ATP13A3: variants seen among roughly 807,000 people sequenced by gnomAD.
ATP13A3 encodes ATPase 13A3.
ATP13A3 carries 59 observed loss-of-function variants against 158.1 expected under a neutral mutation model. The ratio of observed to expected loss-of-function variants is 0.37; its 90% CI spans 0.30 to 0.46. The LOEUF (loss-of-function observed/expected upper bound fraction) is 0.46, where lower values mean the gene tolerates loss of function less well. Ranked by LOEUF, ATP13A3 falls within the 20% of genes least tolerant of loss-of-function variation. The pLI, the probability that ATP13A3 is intolerant of heterozygous loss-of-function variation, is 1.00. For synonymous variants in ATP13A3, 491 were observed against 504.3 expected (o/e 0.97, Z 0.35); for missense variants, 1,166 against 1,525.2 (o/e 0.76, Z 3.92).
chr3:194,463,663 A>G (rs6798801), intron 2 of ATP13A3, among the ~76,000 whole-genome samples: 15,642 of 152,222 alleles, frequency 0.1, 2,026 homozygotes, highest in African/African-American at 0.31. Flanking sequence ...AGTGCACAGC[A>G]GGCTTGACAC....
chr3:194,426,360 A>G (rs1262656459), intron 29 of ATP13A3, among the ~76,000 whole-genome samples: 3 of 152,222 alleles, frequency 2.0e-5, no homozygotes, highest in Non-Finnish European at 4.4e-5. Context: ...ATTAATTAAA[A>G]TGTTATAATT....
At chr3:194,441,492 T>A (rs1456724339) in intron 15 of ATP13A3, 31 bp from the exon 16 acceptor site, 1 of 1,586,158 alleles carries the variant, frequency 6.3e-7, no homozygotes, top group African/African-American at 1.4e-5. Context: ...ATTAGTTTCA[T>A]AAATTCTAAG....
intron 6 of ATP13A3, 61 bp downstream of exon 6, chr3:194,459,410 T>C (rs1328333563): frequency 1.8e-5 from 21 of 1,173,406 alleles, no homozygotes; most frequent in Non-Finnish European, 2.6e-5. Context: ...ATGGACTCTT[T>C]TCTATCTAGA....
At chr3:194,436,565 C>G (rs1250665284) in intron 20 of ATP13A3, among the ~76,000 whole-genome samples, 2 of 152,124 alleles carry the variant, frequency 1.3e-5, no homozygotes, top group Non-Finnish European at 2.9e-5. Flanking sequence ...TCAAAGAGCT[C>G]TAAGGAAAAA....
Position 194,419,940 on chromosome 3 carries a change from A to T in ATP13A3, c.3341T>A (p.Leu1114Ter), listed in dbSNP as rs780718677. The T allele has an allele frequency of 7.8e-6, 12 of 1,534,592 alleles. No individual in the cohort carries two copies. Among genetic ancestry groups the T allele is most frequent in the African/African-American group, 1.4e-5 (1 of 70,048 alleles). Residue 1114 changes from leucine to a stop codon, truncating the protein, a stop_gained, in exon 31 of 34, where the codon TTA becomes TAA. Coordinates refer to ENST00000645319, the MANE Select transcript of ATP13A3 (RefSeq NM_001367549.1). LOFTEE classifies it high-confidence loss of function. ...CATGATGAATAATATAAAAATATAT[A>T]AAAAAATCACAGAAAAAACAAAAAA... The part of the protein sequence containing the change: ...NYFFVFSVIF[L>*]YIFILFIMLY...
chr3:194,440,401 G>A (rs1379978516), intron 16 of ATP13A3, among the ~76,000 whole-genome samples: 1 of 152,186 alleles, frequency 6.6e-6, no homozygotes, highest in Non-Finnish European at 1.5e-5. Context: ...TGCAAGCATG[G>A]TGAGAATGGG....
chr3:194,450,425 A>C, intron 10 of ATP13A3, 149 bp from the exon 11 acceptor site: 1 of 746,088 alleles, frequency 1.3e-6, no homozygotes, highest in South Asian at 1.9e-5. Flanking sequence ...AGTTTTAACA[A>C]ATAAGATTAT....
intron 33 of ATP13A3, among the ~76,000 whole-genome samples, chr3:194,410,321 A>AC (rs1715296379): frequency 3.4e-5 from 4 of 119,114 alleles, no homozygotes; most frequent in East Asian, 2.6e-4. Context: ...AAAAAAAAAA[A>AC]AAAAAAAAAA....
chr3:194,492,637 G>A (rs985370114), intron 2 of ATP13A3, among the ~76,000 whole-genome samples: 6 of 151,922 alleles, frequency 3.9e-5, no homozygotes, highest in Non-Finnish European at 8.8e-5. Context: ...TGTATTTTTA[G>A]TAGAGACAGG....
Position 194,457,191 on chromosome 3 carries a change from T to C in ATP13A3, c.480-17A>G. 1.9e-6 allele frequency: 3 copies of C among 1,592,030 alleles called. No homozygotes were observed. Among genetic ancestry groups the C allele is most frequent in the Non-Finnish European group, 2.6e-6 (3 of 1,166,124 alleles). Reference sequence around the variant, plus strand: ...TCCAGTCCCCTAAATAAATCCAAAGTTTTTACTTTAAACAAAGTTTAAAAT... The same window carrying C: ...TCCAGTCCCCTAAATAAATCCAAAGCTTTTACTTTAAACAAAGTTTAAAAT... On this transcript the variant is annotated splice_polypyrimidine_tract_variant and intron_variant, in intron 6 of 33. Coordinates refer to ENST00000645319, the MANE Select transcript of ATP13A3 (RefSeq NM_001367549.1).
intron 30 of ATP13A3, among the ~76,000 whole-genome samples, chr3:194,422,701 A>T (rs1577037204): frequency 6.6e-6 from 1 of 152,174 alleles, no homozygotes; most frequent in East Asian, 1.9e-4. Context: ...GGTACCAGAA[A>T]GGATTTCCTT....
chr3:194,430,347 T>C (rs1351306365), intron 24 of ATP13A3, 32 bp from the exon 25 acceptor site: 5 of 1,596,764 alleles, frequency 3.1e-6, no homozygotes, highest in Admixed American at 1.7e-5. Flanking sequence ...AGATTTTAAT[T>C]AATTTCTTAA....
chr3:194,428,119 G>T (rs1330487146), intron 28 of ATP13A3, among the ~76,000 whole-genome samples: 1 of 151,438 alleles, frequency 6.6e-6, no homozygotes, highest in Non-Finnish European at 1.5e-5. Context: ...TACTCAGGAG[G>T]CTGAGGCAGG....
At chr3:194,444,595 T>C (rs2108881638) in intron 15 of ATP13A3, 130 bp downstream of exon 15, 2 of 699,356 alleles carry the variant, frequency 2.9e-6, no homozygotes, top group South Asian at 3.9e-5. Flanking sequence ...GAAGCAAATA[T>C]GGCAACATGT....
intron 13 of ATP13A3, 78 bp downstream of exon 13, chr3:194,447,774 G>T: frequency 7.7e-7 from 1 of 1,295,022 alleles, no homozygotes; most frequent in East Asian, 2.4e-5. Context: ...ATTCTCAGTA[G>T]CCACATTTCA....
At chr3:194,441,242 G>A (rs2108865995) in intron 16 of ATP13A3, 69 bp downstream of exon 16, 1 of 1,271,556 alleles carries the variant, frequency 7.9e-7, no homozygotes, top group East Asian at 2.5e-5. Flanking sequence ...AATAATCCTT[G>A]TATGAGGTAA....
intron 2 of ATP13A3, among the ~76,000 whole-genome samples, chr3:194,474,282 G>A (rs1427517894): frequency 6.6e-6 from 1 of 152,088 alleles, no homozygotes; most frequent in African/African-American, 2.4e-5. Context: ...CCCTTGAGCA[G>A]GAAGGGGCTG....
Position 194,403,264 on chromosome 3 carries a change from AT to A in ATP13A3, c.*2654del, listed in dbSNP as rs998710301. On this transcript the variant is annotated 3_prime_UTR_variant, in exon 34 of 34. Transcript: ENST00000645319. ...ACAGTTTTGTTTAGATGCAAGTGCA[AT>A]TGGGAAAGCTTTCGAATTTCAGGAT... The A allele has an allele frequency of 6.6e-5, 10 of 152,248 alleles. No individual in the cohort carries two copies. Among genetic ancestry groups the A allele is most frequent in the African/African-American group, 2.4e-4 (10 of 41,474 alleles). 9.4% of individuals were successfully genotyped at this position (152,248 alleles called of 1,614,324 possible).
chr3:194,454,255 T>C lies in ATP13A3; in HGVS notation c.765+3A>G, dbSNP rs1438923967. ...GTGAAACCCATAATAAATTTGAACT[T>C]ACCTTTCTAATGGAATATAGTGAGC... On this transcript the variant is annotated splice_donor_region_variant and intron_variant, in intron 9 of 33. Coordinates refer to ENST00000645319, the MANE Select transcript of ATP13A3 (RefSeq NM_001367549.1). 1 of 1,596,710 alleles carries C rather than the reference T, an allele frequency of 6.3e-7. No individual in the cohort carries two copies. Among genetic ancestry groups the C allele is most frequent in the Admixed American group, 1.8e-5 (1 of 57,074 alleles).
Sources: allele counts gnomAD v4.1 joint callset (sites outside exome capture counted in the v4.1 genomes callset), GRCh38; gene constraint gnomAD v4.1.1; transcripts MANE v1.5; gene names NCBI Gene and HGNC (gene_info 2026-07-23, HGNC 2026-07-21).